Variants in CLASP2 observed in about 807,000 individuals in gnomAD.
CLASP2 encodes the protein cytoplasmic linker associated protein 2.
CLASP2 carries 47 observed loss-of-function variants against 194.4 expected under a neutral mutation model. The observed-to-expected ratio is 0.24, with a 90% confidence interval of 0.19 to 0.31. CLASP2 has a LOEUF of 0.31. Ranked by LOEUF, CLASP2 falls within the 10% of genes least tolerant of loss-of-function variation. CLASP2 has a pLI of 1.00. For missense variants in CLASP2, 1,445 were observed against 1,823.6 expected, an observed-to-expected ratio of 0.79 and a Z score of 3.78; for synonymous variants, 619 against 633.5, an observed-to-expected ratio of 0.98 and a Z score of 0.34.
intron 17 of CLASP2, 99 bp from the exon 18 acceptor site, chr3:33,603,224 G>T: frequency 7.7e-7 from 1 of 1,305,090 alleles, no homozygotes; most frequent in Non-Finnish European, 1.0e-6. Context: ...GATGACAAAT[G>T]GTCAACAAAA....
chr3:33,681,930 C>G (rs189144771), intron 6 of CLASP2, among the ~76,000 whole-genome samples: 114 of 152,258 alleles, frequency 7.5e-4, no homozygotes, highest in African/African-American at 2.6e-3. Context: ...CCTAGGAGAG[C>G]TGGTAGTTAA....
chr3:33,533,465 G>A (rs1199056802), intron 34 of CLASP2, among the ~76,000 whole-genome samples: 2 of 151,990 alleles, frequency 1.3e-5, no homozygotes, highest in Non-Finnish European at 2.9e-5. Context: ...GCTATTTCTT[G>A]TTAATAAAAA....
At chr3:33,557,732 T>G (rs567567947) in intron 29 of CLASP2, among the ~76,000 whole-genome samples, 2 of 152,352 alleles carry the variant, frequency 1.3e-5, no homozygotes, top group African/African-American at 4.8e-5. Flanking sequence ...ATCAAGTAAA[T>G]TATTCTTCTG....
chr3:33,677,427 C>T (rs2088921454), intron 6 of CLASP2, among the ~76,000 whole-genome samples: 1 of 151,368 alleles, frequency 6.6e-6, no homozygotes, highest in African/African-American at 2.4e-5. Flanking sequence ...AGTTGGAAAT[C>T]ATCATTCTCA....
chr3:33,599,268 GC>G (rs2071359937), intron 18 of CLASP2, among the ~76,000 whole-genome samples: 1 of 152,054 alleles, frequency 6.6e-6, no homozygotes, highest in Non-Finnish European at 1.5e-5. Context: ...GGGCCCACAG[GC>G]ATGTGCTACC....
chr3:33,651,334 G>T (rs557819920), intron 7 of CLASP2, among the ~76,000 whole-genome samples: 3 of 138,996 alleles, frequency 2.2e-5, no homozygotes, highest in African/African-American at 8.1e-5. Context: ...AGTGAGCCAA[G>T]ATCGTGCCAC....
At chr3:33,500,714 C>T (rs2046657680) in intron 38 of CLASP2, among the ~76,000 whole-genome samples, 1 of 151,928 alleles carries the variant, frequency 6.6e-6, no homozygotes, top group Non-Finnish European at 1.5e-5. Context: ...GTTACCTAGG[C>T]TCATTTTCCA....
intron 34 of CLASP2, among the ~76,000 whole-genome samples, chr3:33,524,582 T>C (rs923753091): frequency 1.4e-4 from 21 of 148,348 alleles, no homozygotes; most frequent in Non-Finnish European, 2.6e-4. Flanking sequence ...AGCCCACAAG[T>C]TGAGGCTGCA....
intron 9 of CLASP2, among the ~76,000 whole-genome samples, chr3:33,628,538 C>T (rs2154289759): frequency 6.6e-6 from 1 of 152,194 alleles, no homozygotes; most frequent in East Asian, 1.9e-4. Context: ...AGAGTGATTC[C>T]TAGGTTTCTA....
intron 8 of CLASP2, among the ~76,000 whole-genome samples, chr3:33,636,967 A>G (rs1454055600): frequency 6.6e-6 from 1 of 152,214 alleles, no homozygotes; most frequent in African/African-American, 2.4e-5. Context: ...TCCAAGAGAG[A>G]ATAAGTATAT....
In CLASP2 at chr3:33,622,211, A is replaced by G. The variant is rs779795197; in HGVS notation, c.1105T>C (p.Leu369=). The change falls in exon 11 of 39, where the codon TTG becomes CTG. Residue 369 remains leucine, a synonymous_variant. Transcript: ENST00000682230. ...GAAAGTTTAAGTGCTCCATCCAACA[A>G]TCGTAAATGTTGAAAAAAGCAATCA... is the stretch of plus-strand genomic sequence containing the variant. The part of the protein sequence containing the change: ...QYDCFFQHLR[L]LDGALKLSAK... 1 of 1,604,344 alleles carries G rather than the reference A, an allele frequency of 6.2e-7. No individual in the cohort carries two copies. The highest frequency in any genetic ancestry group is 8.5e-7 in the Non-Finnish European group (1 of 1,175,330).
chr3:33,547,509 C>T (rs2059335624), intron 30 of CLASP2, among the ~76,000 whole-genome samples: 1 of 152,290 alleles, frequency 6.6e-6, no homozygotes, highest in South Asian at 2.1e-4. Flanking sequence ...ACTTCTTTTA[C>T]ATATGTTGCT....
Position 33,612,043 on chromosome 3 carries a change from A to G in CLASP2, c.1346T>C (p.Leu449Ser). The G allele has an allele frequency of 1.2e-6, 2 of 1,610,692 alleles. No homozygotes were observed. The highest frequency in any genetic ancestry group is 1.7e-6 in the Non-Finnish European group (2 of 1,177,962). ...TTTTGATGTGCAATTGCTTGTTATT[A>G]AAGGTATAAGTCTGGGTACATGAGT... Reference protein sequence around the residue: ...RHTHVPRLIPLITSNCTSKSV... With the variant: ...RHTHVPRLIPSITSNCTSKSV... The change falls in exon 13 of 39, where the codon TTA becomes TCA. Residue 449 changes from leucine to serine, a missense_variant. By Grantham distance (145) the Leu-to-Ser change is moderately radical. Transcript: ENST00000682230.
At position 33,701,249 on chromosome 3, in the gene CLASP2, TTGAG is replaced by T. The variant is rs143619415; in HGVS notation, c.196-4320_196-4317del. Among the ~76,000 whole-genome samples, 1,292 of 152,292 alleles carry T rather than the reference TTGAG, an allele frequency of 8.5e-3. 20 individuals carry two copies. The highest frequency in any genetic ancestry group is 0.028 in the African/African-American group (1,168 of 41,558). On this transcript the variant is annotated intron_variant, in intron 1 of 38. Coordinates refer to ENST00000682230, the MANE Select transcript of CLASP2 (RefSeq NM_001365631.1). ...ATGAATTAGAATACTCATATCAATA[TTGAG>T]TAAGAAAAATGAAGTTACAGTGCAA...
chr3:33,718,233 C>G lies in CLASP2; in HGVS notation c.-231G>C. 1 of 215,962 alleles carries G rather than the reference C, an allele frequency of 4.6e-6. No individual in the cohort carries two copies. The highest frequency in any genetic ancestry group is 1.0e-4 in the South Asian group (1 of 9,710). The allele number at this position is 215,962 out of a possible 1,614,324, so 13.4% of individuals were successfully genotyped here. ...CAGCCCGCTTCAGAGGCCGCGGCCG[C>G]GGGCGACGTCAGCACGCGCGTGACG... On this transcript the variant is annotated 5_prime_UTR_variant, in exon 1 of 39. Coordinates refer to ENST00000682230, the MANE Select transcript of CLASP2 (RefSeq NM_001365631.1).
At chr3:33,668,965 A>G (rs1033519289) in intron 6 of CLASP2, among the ~76,000 whole-genome samples, 2 of 152,244 alleles carry the variant, frequency 1.3e-5, no homozygotes, top group Admixed American at 6.5e-5. Context: ...ACATTAAAGT[A>G]TTAGCTACCT....
chr3:33,641,752 ATTT>A (rs74553715), intron 8 of CLASP2, among the ~76,000 whole-genome samples: 2 of 145,578 alleles, frequency 1.4e-5, no homozygotes, highest in African/African-American at 2.5e-5. Flanking sequence ...AGCTCACTGT[ATTT>A]TTTTTTTTTT....
At chr3:33,501,874 T>C (rs2046927393) in intron 37 of CLASP2, 106 bp from the exon 38 acceptor site, 2 of 739,238 alleles carry the variant, frequency 2.7e-6, no homozygotes, top group Admixed American at 2.2e-5. Flanking sequence ...TCGAGCATAC[T>C]AAGGAGAGAA....
intron 30 of CLASP2, among the ~76,000 whole-genome samples, chr3:33,548,138 C>T (rs1305045111): frequency 2.0e-5 from 3 of 151,056 alleles, no homozygotes; most frequent in Non-Finnish European, 4.4e-5. Context: ...CTATCTATTT[C>T]TTCTTCAGTC....
Sources: allele counts gnomAD v4.1 joint callset (sites outside exome capture counted in the v4.1 genomes callset), GRCh38; gene constraint gnomAD v4.1.1; transcripts MANE v1.5; gene names NCBI Gene and HGNC (gene_info 2026-07-23, HGNC 2026-07-21).